LRRC7: variants seen among roughly 807,000 people sequenced by gnomAD.
The protein encoded by LRRC7 is leucine-rich repeat-containing protein 7.
A neutral mutation model predicts 175.7 loss-of-function variants in LRRC7; 23 were observed. The observed-to-expected ratio is 0.13, with a 90% CI of 0.09 to 0.19. The LOEUF is 0.19. LRRC7 is among the 10% of genes least tolerant of loss of function. The probability of loss-of-function intolerance (pLI) is 1.00; values close to 1 mark genes in which losing one functional copy is unlikely to be tolerated. For synonymous variants in LRRC7, 685 were observed against 680.9 expected (o/e 1.01, Z -0.09); for missense variants, 1,354 against 1,904.7 (o/e 0.71, Z 5.38).
At chr1:69,614,820 A>T (rs1649361796) in intron 1 of LRRC7, among the ~76,000 whole-genome samples, 1 of 152,064 alleles carries the variant, frequency 6.6e-6, no homozygotes, top group Non-Finnish European at 1.5e-5. Context: ...GGCAACTGTA[A>T]TTTCTTGACT....
At chr1:69,678,853 C>T (rs1231577476) in intron 2 of LRRC7, among the ~76,000 whole-genome samples, 2 of 152,064 alleles carry the variant, frequency 1.3e-5, no homozygotes, top group Non-Finnish European at 2.9e-5. Flanking sequence ...TTTCCAGTTT[C>T]CATTTAGCCA....
chr1:69,975,054 T>C (rs147654956), intron 8 of LRRC7, among the ~76,000 whole-genome samples: 9 of 152,356 alleles, frequency 5.9e-5, no homozygotes, highest in African/African-American at 1.9e-4. Flanking sequence ...ATAGATTAAA[T>C]GAGATCCTTT....
chr1:70,027,544 T>C (rs1399194653), intron 17 of LRRC7, among the ~76,000 whole-genome samples: 1 of 152,182 alleles, frequency 6.6e-6, no homozygotes, highest in African/African-American at 2.4e-5. Context: ...TCAAGAAGCA[T>C]GTTACTTTCT....
chr1:69,687,773 AT>A (rs1275851300), intron 2 of LRRC7, among the ~76,000 whole-genome samples: 1 of 152,072 alleles, frequency 6.6e-6, no homozygotes, highest in East Asian at 1.9e-4. Context: ...ACTTAAAATT[AT>A]TTTGTGTTTA....
chr1:69,863,061 G>C (rs1684533821), intron 7 of LRRC7, among the ~76,000 whole-genome samples: 1 of 152,068 alleles, frequency 6.6e-6, no homozygotes, highest in Non-Finnish European at 1.5e-5. Context: ...TCAGTTAATA[G>C]AAATAACATT....
At chr1:70,107,852 C>A in intron 26 of LRRC7, 26 bp downstream of exon 26, 1 of 1,549,160 alleles carries the variant, frequency 6.5e-7, no homozygotes, top group Non-Finnish European at 8.9e-7. Flanking sequence ...GAAATGCATG[C>A]AAATGCCATA....
rs1646400997 is a variant in LRRC7, at chr1:69,568,131, G to C, written c.-509G>C. Among the ~76,000 whole-genome samples, 1 of 152,136 alleles carries C rather than the reference G, an allele frequency of 6.6e-6. No individual in the cohort carries two copies. Among genetic ancestry groups the C allele is most frequent in the Non-Finnish European group, 1.5e-5 (1 of 68,020 alleles). On this transcript the variant is annotated 5_prime_UTR_variant, in exon 1 of 27. Transcript: ENST00000651989. The stretch of plus-strand genomic sequence containing the variant: ...GACGCCCGCTGCGCCCTGGCCCCTG[G>C]GGATCCTCGCCCTGCACAGGCGCGG...
chr1:69,781,790 G>GA (rs1673686388), intron 3 of LRRC7, among the ~76,000 whole-genome samples: 2 of 18,792 alleles, frequency 1.1e-4, no homozygotes, highest in Admixed American at 6.1e-4. Flanking sequence ...AGAAAGAAAG[G>GA]AAGGAAGGAA....
At chr1:69,677,462 ATTTACT>A (rs1030181599) in intron 1 of LRRC7, among the ~76,000 whole-genome samples, 2 of 151,534 alleles carry the variant, frequency 1.3e-5, no homozygotes, top group Non-Finnish European at 2.9e-5. Context: ...CAAATGGTAG[ATTTACT>A]TTTAGTTCTT....
chr1:69,593,458 G>C (rs905680855), intron 1 of LRRC7, among the ~76,000 whole-genome samples: 2 of 152,038 alleles, frequency 1.3e-5, no homozygotes, highest in African/African-American at 4.8e-5. Context: ...AGGAGATATT[G>C]ATTTTCAAAA....
intron 7 of LRRC7, chr1:69,874,568 G>A (rs1466059368): frequency 1.3e-5 from 2 of 152,040 alleles, no homozygotes; most frequent in African/African-American, 2.4e-5. Context: ...AGGACACATT[G>A]CACTTACGGG....
At chr1:69,981,577 A>G (rs1443358350) in intron 9 of LRRC7, among the ~76,000 whole-genome samples, 2 of 152,196 alleles carry the variant, frequency 1.3e-5, no homozygotes, top group Non-Finnish European at 2.9e-5. Context: ...CAAAGATAAT[A>G]CATTCAATGA....
intron 23 of LRRC7, among the ~76,000 whole-genome samples, chr1:70,074,915 T>A (rs543607114): frequency 5.3e-5 from 8 of 152,204 alleles, no homozygotes; most frequent in Admixed American, 4.6e-4. Flanking sequence ...TTAGTAATTA[T>A]CTTTTTATTA....
intron 1 of LRRC7, among the ~76,000 whole-genome samples, chr1:69,651,539 A>G (rs187883490): frequency 6.6e-6 from 1 of 152,316 alleles, no homozygotes; most frequent in Non-Finnish European, 1.5e-5. Flanking sequence ...CAGTAAAATG[A>G]CATAATAAGA....
intron 4 of LRRC7, among the ~76,000 whole-genome samples, chr1:69,821,892 CAA>C (rs367975148): frequency 6.8e-6 from 1 of 146,942 alleles, no homozygotes; most frequent in African/African-American, 2.5e-5. Context: ...GAGACTCTGT[CAA>C]AAAAAAAAAT....
At position 69,986,262 on chromosome 1, in the gene LRRC7, G is replaced by A; in HGVS notation, c.807G>A (p.Met269Ile). 1 of 1,613,266 alleles carries A rather than the reference G, an allele frequency of 6.2e-7. No homozygotes were observed. Among genetic ancestry groups the A allele is most frequent in the Non-Finnish European group, 8.5e-7 (1 of 1,179,526 alleles). The change falls in exon 10 of 27, where the codon ATG becomes ATA. Residue 269 changes from methionine (M) to isoleucine (I), a missense_variant. Coordinates refer to ENST00000651989, the MANE Select transcript of LRRC7 (RefSeq NM_001370785.2). ...VLPGSIGKLK[M>I]LVYLDMSKNR... ...TCAAGTCTATAGGGAAGTTAAAGATGTTGGTATACCTGGATATGTCAAAAA... is the reference window on the plus strand; with the variant it reads ...TCAAGTCTATAGGGAAGTTAAAGATATTGGTATACCTGGATATGTCAAAAA...
At chr1:69,787,871 A>G (rs1401025644) in intron 3 of LRRC7, among the ~76,000 whole-genome samples, 1 of 151,986 alleles carries the variant, frequency 6.6e-6, no homozygotes, top group Non-Finnish European at 1.5e-5. Flanking sequence ...ACAGGATGAG[A>G]TTTGGGTGGG....
intron 7 of LRRC7, 176 bp downstream of exon 7, chr1:69,838,459 T>G: frequency 1.8e-6 from 1 of 565,272 alleles, no homozygotes; most frequent in Non-Finnish European, 3.2e-6. Flanking sequence ...GAGAATGTAT[T>G]CTGTTTTATA....
intron 1 of LRRC7, among the ~76,000 whole-genome samples, chr1:69,622,522 A>T (rs1005740875): frequency 7.9e-5 from 12 of 152,224 alleles, no homozygotes; most frequent in Non-Finnish European, 1.6e-4. Flanking sequence ...CTGGAATAAG[A>T]CATCATAGAC....
Sources: gnomAD v4.1 joint callset for allele counts (sites outside exome capture counted in the v4.1 genomes callset) on GRCh38, gnomAD v4.1.1 for gene constraint, MANE v1.5 for transcripts, NCBI Gene and HGNC (gene_info 2026-07-23, HGNC 2026-07-21) for gene names.